SAMHD1: variants seen among roughly 807,000 people sequenced by gnomAD.
The protein encoded by SAMHD1 is deoxynucleoside triphosphate triphosphohydrolase SAMHD1.
SAMHD1 carries 54 observed loss-of-function variants against 79.6 expected under a neutral mutation model. That is an observed-to-expected ratio of 0.68 (90% CI 0.55 to 0.85). The LOEUF (loss-of-function observed/expected upper bound fraction) is 0.85, where lower values mean the gene tolerates loss of function less well. SAMHD1 is among the 40% of genes least tolerant of loss of function. SAMHD1 has a pLI of 0.00. For synonymous variants in SAMHD1, 260 were observed against 264.1 expected (o/e 0.98, Z 0.15); for missense variants, 663 against 782.7 (o/e 0.85, Z 1.82).
chr20:36,912,451 A>C lies in SAMHD1; in HGVS notation c.1154+10T>G. The C allele has an allele frequency of 6.3e-7, 1 of 1,577,666 alleles. No homozygotes were observed. Among genetic ancestry groups the C allele is most frequent in the Non-Finnish European group, 8.7e-7 (1 of 1,147,046 alleles). ...AAATTTTATAGGGAAATGACAATCA[A>C]GTTTCTTACATTGTATCAATAATGT... On this transcript the variant is annotated intron_variant, in intron 10 of 15. Coordinates refer to ENST00000646673, the MANE Select transcript of SAMHD1 (RefSeq NM_015474.4).
chr20:36,937,200 A>G (rs1255875420), intron 3 of SAMHD1, among the ~76,000 whole-genome samples: 1 of 152,068 alleles, frequency 6.6e-6, no homozygotes, highest in Non-Finnish European at 1.5e-5. Context: ...CATTATGTCA[A>G]ACACTGCACT....
At chr20:36,938,324 G>A (rs564798488) in intron 3 of SAMHD1, among the ~76,000 whole-genome samples, 14 of 152,276 alleles carry the variant, frequency 9.2e-5, no homozygotes, top group East Asian at 1.9e-4. Context: ...GGCAGATCAC[G>A]AGGTCAGGAG....
At chr20:36,934,950 G>T in intron 4 of SAMHD1, 79 bp downstream of exon 4, 21 of 1,467,780 alleles carry the variant, frequency 1.4e-5, no homozygotes, top group Non-Finnish European at 1.8e-5. Flanking sequence ...GAGCCACCAT[G>T]CCTGGCCTAA....
At chr20:36,894,242 A>AT (rs1398044457) in intron 15 of SAMHD1, 1 of 208,582 alleles carries the variant, frequency 4.8e-6, no homozygotes, top group Non-Finnish European at 9.2e-6. Context: ...AAAATGTGTT[A>AT]TTATTTTTTT....
intron 13 of SAMHD1, among the ~76,000 whole-genome samples, chr20:36,902,715 G>C (rs1488662303): frequency 1.4e-4 from 21 of 151,884 alleles, no homozygotes; most frequent in Admixed American, 1.3e-3. Flanking sequence ...GAAAATGAGT[G>C]AATTACTGTA....
At chr20:36,898,052 G>C in intron 14 of SAMHD1, 93 bp from the exon 15 acceptor site, 1 of 1,462,332 alleles carries the variant, frequency 6.8e-7, no homozygotes, top group Admixed American at 1.7e-5. Context: ...CTTTTTTTTT[G>C]AGACAAGATC....
intron 9 of SAMHD1, 23 bp downstream of exon 9, chr20:36,916,699 T>C (rs1218891254): frequency 6.6e-7 from 1 of 1,503,996 alleles, no homozygotes. Context: ...ATTCTTCTTA[T>C]TGCCTCCTCT....
At chr20:36,925,227 G>A (rs1412863424) in intron 6 of SAMHD1, among the ~76,000 whole-genome samples, 2 of 151,724 alleles carry the variant, frequency 1.3e-5, no homozygotes, top group African/African-American at 4.8e-5. Context: ...CACGAGCTAA[G>A]GATTTAAATG....
chr20:36,941,020 C>A lies in SAMHD1; in HGVS notation c.348+19G>T. On this transcript the variant is annotated intron_variant, in intron 3 of 15. Coordinates refer to ENST00000646673, the MANE Select transcript of SAMHD1 (RefSeq NM_015474.4). Reference sequence around the variant, plus strand: ...ATCACTTTATATTCAAAAAACATAACAAACTCAGATCCTCTTACCTTCATT... The same window carrying A: ...ATCACTTTATATTCAAAAAACATAAAAAACTCAGATCCTCTTACCTTCATT... 1.3e-6 allele frequency: 2 copies of A among 1,590,294 alleles called. No individual in the cohort carries two copies. The highest frequency in any genetic ancestry group is 8.6e-7 in the Non-Finnish European group (1 of 1,158,706).
chr20:36,894,781 C>G (rs748606064), intron 15 of SAMHD1, among the ~76,000 whole-genome samples: 8 of 151,854 alleles, frequency 5.3e-5, no homozygotes, highest in Non-Finnish European at 1.0e-4. Context: ...AAAAGTCATC[C>G]TATTGTCATG....
intron 2 of SAMHD1, among the ~76,000 whole-genome samples, chr20:36,945,554 A>G (rs1297355081): frequency 6.6e-6 from 1 of 152,160 alleles, no homozygotes; most frequent in Non-Finnish European, 1.5e-5. Context: ...GGTCACTACA[A>G]ACTTGATGAA....
chr20:36,941,505 A>G (rs2063643932), intron 2 of SAMHD1, among the ~76,000 whole-genome samples: 1 of 152,202 alleles, frequency 6.6e-6, no homozygotes, highest in Non-Finnish European at 1.5e-5. Context: ...CATGAATGAA[A>G]TACATATGAA....
At chr20:36,909,668 T>C (rs1307027581) in intron 11 of SAMHD1, among the ~76,000 whole-genome samples, 1 of 99,464 alleles carries the variant, frequency 1.0e-5, no homozygotes, top group Admixed American at 1.2e-4. Context: ...CAAAACTCTG[T>C]CCACCCCCCT....
chr20:36,901,037 CATAAA>C (rs1424102577), intron 13 of SAMHD1, among the ~76,000 whole-genome samples: 2 of 151,696 alleles, frequency 1.3e-5, no homozygotes, highest in African/African-American at 4.8e-5. Context: ...TTAAAAAATA[CATAAA>C]ATAAAAACAT....
At chr20:36,941,594 G>A (rs2063644441) in intron 2 of SAMHD1, among the ~76,000 whole-genome samples, 1 of 152,042 alleles carries the variant, frequency 6.6e-6, no homozygotes, top group Non-Finnish European at 1.5e-5. Flanking sequence ...ATACATAATG[G>A]GAATTAAATT....
intron 15 of SAMHD1, chr20:36,897,478 C>T: frequency 2.9e-6 from 1 of 346,222 alleles, no homozygotes; most frequent in Non-Finnish European, 5.5e-6. Flanking sequence ...TTATGTTAAA[C>T]AAGTTAACTA....
chr20:36,939,368 G>A (rs144390423), intron 3 of SAMHD1, among the ~76,000 whole-genome samples: 5 of 151,844 alleles, frequency 3.3e-5, no homozygotes, highest in African/African-American at 9.7e-5. Flanking sequence ...CAAGGCAGAC[G>A]GATCACATGA....
At chr20:36,911,089 A>C in intron 11 of SAMHD1, 129 bp downstream of exon 11, 1 of 623,414 alleles carries the variant, frequency 1.6e-6, no homozygotes, top group Admixed American at 2.8e-5. Context: ...CCCTTTCTTT[A>C]TTTTTTTAAA....
At chr20:36,930,388 C>CG (rs533585745) in intron 5 of SAMHD1, among the ~76,000 whole-genome samples, 62 of 151,590 alleles carry the variant, frequency 4.1e-4, no homozygotes, top group African/African-American at 1.5e-3. Flanking sequence ...CCCAGCTACT[C>CG]GGGAGGCTGA....
Sources: gnomAD v4.1 joint callset for allele counts (sites outside exome capture counted in the v4.1 genomes callset) on GRCh38, gnomAD v4.1.1 for gene constraint, MANE v1.5 for transcripts, NCBI Gene and HGNC (gene_info 2026-07-23, HGNC 2026-07-21) for gene names.